Variants in ZNF142 observed in about 807,000 individuals in gnomAD.
ZNF142 encodes zinc finger protein 142.
Under a neutral mutation model 132.1 loss-of-function variants are expected in ZNF142, and 96 were observed. The observed-to-expected ratio is 0.73, with a 90% confidence interval of 0.62 to 0.86. The LOEUF (loss-of-function observed/expected upper bound fraction) is 0.86. Ranked by LOEUF, ZNF142 falls within the 40% of genes least tolerant of loss-of-function variation. ZNF142 has a pLI of 0.00. For synonymous variants in ZNF142, 842 were observed against 890.1 expected (o/e 0.95, Z 0.96); for missense variants, 2,163 against 2,336.2 (o/e 0.93, Z 1.53).
chr2:218,634,380 A>G lies in ZNF142; in HGVS notation c.*3959T>C, dbSNP rs1696587978. On this transcript the variant is annotated 3_prime_UTR_variant, in exon 11 of 11. Coordinates refer to ENST00000411696, the MANE Select transcript of ZNF142 (RefSeq NM_001379659.1). This position sits in a 1 kb window ranked among gnomAD's most constrained non-coding sequence, Gnocchi z 4.0. ...AGCAGGTACCGTGCACCCAGTACCT[A>G]TCTTCTTAACTCCCTGAAAGAGGGG... The G allele has an allele frequency of 1.9e-6, 3 of 1,573,038 alleles. No homozygotes were observed. The highest frequency in any genetic ancestry group is 2.4e-5 in the South Asian group (2 of 84,440).
chr2:218,643,692 G>T lies in ZNF142; in HGVS notation c.3424C>A (p.Pro1142Thr). 6.3e-7 allele frequency: 1 copy of T among 1,578,176 alleles called. No individual in the cohort carries two copies. Among genetic ancestry groups the T allele is most frequent in the Non-Finnish European group, 8.6e-7 (1 of 1,165,476 alleles). Residue 1142 changes from proline (P) to threonine (T), a missense_variant, in exon 9 of 11, where the codon CCT (proline) becomes ACT (threonine). Coordinates refer to ENST00000411696, the MANE Select transcript of ZNF142 (RefSeq NM_001379659.1). ...EAELLLPKDA[P>T]LELPREPEET... ...TCTGGCTCCCTGGGAAGCTCCAAAG[G>T]AGCATCTTTTGGAAGCAGTAGCTCT... is the stretch of plus-strand genomic sequence containing the variant.
At position 218,656,257 on chromosome 2, in the gene ZNF142, C is replaced by T. The variant is rs1486697184; in HGVS notation, c.173G>A (p.Cys58Tyr). The T allele has an allele frequency of 6.2e-7, 1 of 1,613,618 alleles. No individual in the cohort carries two copies. Among genetic ancestry groups the T allele is most frequent in the Non-Finnish European group, 8.5e-7 (1 of 1,179,748 alleles). Residue 58 changes from cysteine to tyrosine, a missense_variant, in exon 4 of 11, where the codon TGC (cysteine) becomes TAC (tyrosine). Around this residue, in one of 7 missense-constraint regions of ZNF142, gnomAD observed 195 missense variants for 172.4 expected, o/e 1.13. Transcript: ENST00000411696. ...DPAPIPTEPGCLLVEATATEE... is the reference protein window; with the variant it reads ...DPAPIPTEPGYLLVEATATEE... ...AGTTGCTGTGGCCTCTACCAGCAGGCAGCCTGGCTCAGTAGGTATAGGTGC... is the reference window on the plus strand; with the variant it reads ...AGTTGCTGTGGCCTCTACCAGCAGGTAGCCTGGCTCAGTAGGTATAGGTGC...
chr2:218,642,328 T>TA lies in ZNF142; in HGVS notation c.4787dup (p.His1598AlafsTer7). 6.2e-7 allele frequency: 1 copy of TA among 1,613,856 alleles called. No individual in the cohort carries two copies. Among genetic ancestry groups the TA allele is most frequent in the East Asian group, 2.2e-5 (1 of 44,868 alleles). ...CCTCATGCTGTTCCAGGTAGTGCTT[T>TA]ACCAGGCCCACCCGCTCCCGGGCAG... On this transcript the variant is annotated frameshift_variant, in exon 9 of 11. Coordinates refer to ENST00000411696, the MANE Select transcript of ZNF142 (RefSeq NM_001379659.1). LOFTEE classifies it high-confidence loss of function. This position sits in a 1 kb window ranked among gnomAD's most constrained non-coding sequence, Gnocchi z 4.6.
At position 218,646,345 on chromosome 2, in the gene ZNF142, T is replaced by C. The variant is rs767805278; in HGVS notation, c.1877A>G (p.Glu626Gly). The change falls in exon 8 of 11, where the codon GAG becomes GGG. Residue 626 changes from glutamate to glycine, a missense_variant. By Grantham distance (98) the Glu-to-Gly change is moderately conservative. This residue lies in a region of ZNF142 where 749 missense variants were observed against 830.3 expected (regional missense o/e 0.90). Coordinates refer to ENST00000411696, the MANE Select transcript of ZNF142 (RefSeq NM_001379659.1). ...LIRHMLLHTGEKPHKCELCDF... is the reference protein window; with the variant it reads ...LIRHMLLHTGGKPHKCELCDF... ...ACACAGCTCACACTTGTGGGGCTTC[T>C]CACCTTATATGGGGGATGCGGATGA... The C allele has an allele frequency of 3.1e-6, 5 of 1,613,974 alleles. No homozygotes were observed. The African/African-American group carries it at 5.3e-5, about 17-fold the overall frequency.
Position 218,642,486 on chromosome 2 carries a change from G to C in ZNF142, c.4630C>G (p.Arg1544Gly). Reference sequence around the variant, plus strand: ...GGGTGCTGTTTACGGGTGTGTCCTCGTAAGCTGGCAGGGCTGGGGCACAGC... The same window carrying C: ...GGGTGCTGTTTACGGGTGTGTCCTCCTAAGCTGGCAGGGCTGGGGCACAGC... ...GLLCPSPASLRGHTRKQHPRL... is the reference protein window; with the variant it reads ...GLLCPSPASLGGHTRKQHPRL... Residue 1544 changes from arginine to glycine, a missense_variant, in exon 9 of 11, where the codon CGA becomes GGA. By Grantham distance (125) the Arg-to-Gly change is moderately radical. Around this residue, in one of 7 missense-constraint regions of ZNF142, gnomAD observed 809 missense variants for 801.7 expected, o/e 1.01. Transcript: ENST00000411696. This position sits in a 1 kb window ranked among gnomAD's most constrained non-coding sequence, Gnocchi z 4.6. 6.2e-7 allele frequency: 1 copy of C among 1,608,036 alleles called. No homozygotes were observed. The highest frequency in any genetic ancestry group is 1.7e-4 in the Middle Eastern group (1 of 6,032).
At chr2:218,647,189 C>T (rs1305918325) in intron 7 of ZNF142, among the ~76,000 whole-genome samples, 5 of 151,696 alleles carry the variant, frequency 3.3e-5, no homozygotes, top group Non-Finnish European at 4.4e-5. Context: ...TTTGGGAGGT[C>T]GAGGCAGGTG....
At chr2:218,641,243 A>ATTT (rs71276228) in intron 9 of ZNF142, among the ~76,000 whole-genome samples, 13 of 103,918 alleles carry the variant, frequency 1.3e-4, no homozygotes, top group African/African-American at 3.7e-4. Context: ...CTGGCCGATA[A>ATTT]TTTTTTTTTT....
rs1208792244 is a variant in ZNF142, at chr2:218,638,819, G to T, written c.5195-11C>A. ...GGTATGGCTTCAGTCCTACAGGACA[G>T]GGAACAAATCACCATTGAAAGGCGG... On this transcript the variant is annotated splice_polypyrimidine_tract_variant and intron_variant, in intron 10 of 10. Transcript: ENST00000411696. 1 of 1,577,016 alleles carries T rather than the reference G, an allele frequency of 6.3e-7. No homozygotes were observed. Among genetic ancestry groups the T allele is most frequent in the Admixed American group, 1.7e-5 (1 of 58,168 alleles).
At position 218,648,802 on chromosome 2, in the gene ZNF142, C is replaced by T. The variant is rs192293893; in HGVS notation, c.1706G>A (p.Ser569Asn). 36 of 1,614,228 alleles carry T rather than the reference C, an allele frequency of 2.2e-5. 1 individual carries two copies. The Admixed American group carries it at 4.5e-4, about 20-fold the overall frequency. Residue 569 changes from serine to asparagine, a missense_variant, in exon 7 of 11, where the codon AGT becomes AAT. By Grantham distance (46) the Ser-to-Asn change is conservative (BLOSUM62 1). Around this residue, in one of 7 missense-constraint regions of ZNF142, gnomAD observed 749 missense variants for 830.3 expected, o/e 0.90. Transcript: ENST00000411696. ...GCAGAAGGTGCAGCGCAGCTCTTCA[C>T]TGCCAGGGTGGCCCTGCTTCTTGTG... Reference protein sequence around the residue: ...RKHKKQGHPGSEELRCTFCPF... With the variant: ...RKHKKQGHPGNEELRCTFCPF...
Position 218,634,107 on chromosome 2 carries a change from A to G in ZNF142, c.*4232T>C. The G allele has an allele frequency of 6.2e-7, 1 of 1,608,690 alleles. No individual in the cohort carries two copies. Among genetic ancestry groups the G allele is most frequent in the East Asian group, 2.2e-5 (1 of 44,762 alleles). On this transcript the variant is annotated 3_prime_UTR_variant, in exon 11 of 11. Coordinates refer to ENST00000411696, the MANE Select transcript of ZNF142 (RefSeq NM_001379659.1). This position sits in a 1 kb window ranked among gnomAD's most constrained non-coding sequence, Gnocchi z 4.0. The stretch of plus-strand genomic sequence containing the variant: ...TCCCTCTCTATACCCTTTTACAGGC[A>G]ATGAGTTTGTGCAGCACAATACTTG...
Position 218,649,011 on chromosome 2 carries a change from G to A in ZNF142, c.1497C>T (p.Asp499=). 1.9e-6 allele frequency: 3 copies of A among 1,612,414 alleles called. No individual in the cohort carries two copies. Among genetic ancestry groups the A allele is most frequent in the Non-Finnish European group, 1.7e-6 (2 of 1,180,044 alleles). The change falls in exon 7 of 11, where the codon GAC becomes GAT. Residue 499 remains aspartate (D), a synonymous_variant. Coordinates refer to ENST00000411696, the MANE Select transcript of ZNF142 (RefSeq NM_001379659.1). Reference sequence around the variant, plus strand: ...TCAGGTGCTTAATGAAGGCCTTGCGGTCGGGTGCTGCATAGCTGCAGCCCT... The same window carrying A: ...TCAGGTGCTTAATGAAGGCCTTGCGATCGGGTGCTGCATAGCTGCAGCCCT... The part of the protein sequence containing the change: ...FQEGCSYAAP[D]RKAFIKHLKE...
At chr2:218,641,937 T>C in intron 9 of ZNF142, 91 bp downstream of exon 9, 1 of 1,465,866 alleles carries the variant, frequency 6.8e-7, no homozygotes, top group Non-Finnish European at 9.1e-7. Context: ...ACAGAGCTAA[T>C]ATCTGGAGGA....
chr2:218,656,817 CTTTTTTTT>C (rs34530017), intron 3 of ZNF142, among the ~76,000 whole-genome samples: 1 of 119,450 alleles, frequency 8.4e-6, no homozygotes, highest in Non-Finnish European at 1.7e-5. Flanking sequence ...CTCAGAAGTC[CTTTTTTTT>C]TTTTTTTTTT....
At chr2:218,654,747 C>T (rs1179377194) in intron 4 of ZNF142, among the ~76,000 whole-genome samples, 1 of 151,138 alleles carries the variant, frequency 6.6e-6, no homozygotes, top group African/African-American at 2.4e-5. Flanking sequence ...TTTATTTCTT[C>T]TTTAGAGCAT....
chr2:218,642,767 A>C lies in ZNF142; in HGVS notation c.4349T>G (p.Val1450Gly). ...NSKLRLHRLR[V>G]HDKTPTHFCP... Reference sequence around the variant, plus strand: ...GAAGTGGGTAGGTGTTTTGTCATGTACCCTTAACCGGTGCAAGCGCAGTTT... The same window carrying C: ...GAAGTGGGTAGGTGTTTTGTCATGTCCCCTTAACCGGTGCAAGCGCAGTTT... The change falls in exon 9 of 11, where the codon GTA (valine) becomes GGA (glycine). Residue 1450 changes from valine (V) to glycine (G), a missense_variant. Transcript: ENST00000411696. The surrounding 1 kb of genome is among the most constrained non-coding windows in gnomAD (Gnocchi z 4.6). The C allele has an allele frequency of 6.2e-7, 1 of 1,614,130 alleles. No homozygotes were observed. The highest frequency in any genetic ancestry group is 2.2e-5 in the East Asian group (1 of 44,886).
chr2:218,644,959 G>T lies in ZNF142; in HGVS notation c.2157C>A (p.Phe719Leu). 1 of 1,614,170 alleles carries T rather than the reference G, an allele frequency of 6.2e-7. No individual in the cohort carries two copies. The highest frequency in any genetic ancestry group is 8.5e-7 in the Non-Finnish European group (1 of 1,180,030). Residue 719 changes from phenylalanine (F) to leucine (L), a missense_variant, in exon 9 of 11, where the codon TTC becomes TTA. Physicochemically the swap from Phe to Leu is conservative, Grantham distance 22 (BLOSUM62 0). Transcript: ENST00000411696. The surrounding 1 kb of genome is among the most constrained non-coding windows in gnomAD (Gnocchi z 4.6). Reference protein sequence around the residue: ...GKSLMCEVCAFACKRKYELQK... With the variant: ...GKSLMCEVCALACKRKYELQK... ...GCAGCTCATACTTCCGCTTGCAGGC[G>T]AAGGCACACACCTCACACATCAGAG... is the stretch of plus-strand genomic sequence containing the variant.
rs549283765 is a variant in ZNF142, at chr2:218,633,529, AGGTT to A, written c.*4806_*4809del. Reference sequence around the variant, plus strand: ...GTGGGGAGGCAGTGGGCAGAGGTTTAGGTTGGATGGCCATTATCTTCTTCTCTCT... The same window carrying A: ...GTGGGGAGGCAGTGGGCAGAGGTTTAGGATGGCCATTATCTTCTTCTCTCT... On this transcript the variant is annotated 3_prime_UTR_variant, in exon 11 of 11. Coordinates refer to ENST00000411696, the MANE Select transcript of ZNF142 (RefSeq NM_001379659.1). 1 of 1,513,128 alleles carries A rather than the reference AGGTT, an allele frequency of 6.6e-7. No individual in the cohort carries two copies. Among genetic ancestry groups the A allele is most frequent in the Non-Finnish European group, 9.2e-7 (1 of 1,090,026 alleles). The allele number at this position is 1,513,128 out of a possible 1,614,324, so 93.7% of individuals were successfully genotyped here. A position where few individuals can be genotyped will look rare whatever the true frequency, so the allele number is the denominator to read the frequency against.
Position 218,643,996 on chromosome 2 carries a change from G to T in ZNF142, c.3120C>A (p.His1040Gln). ...QGEGRAFRCP[H>Q]CPFITRREKA... Reference sequence around the variant, plus strand: ...TCTCCCGGCGAGTGATAAAAGGGCAGTGTGGGCAGCGGAAGGCTCGCCCCT... The same window carrying T: ...TCTCCCGGCGAGTGATAAAAGGGCATTGTGGGCAGCGGAAGGCTCGCCCCT... The change falls in exon 9 of 11, where the codon CAC becomes CAA. Residue 1040 changes from histidine to glutamine, a missense_variant. By Grantham distance (24) the His-to-Gln change is conservative (BLOSUM62 0). This residue lies in a region of ZNF142 where 809 missense variants were observed against 801.7 expected (regional missense o/e 1.01). Coordinates refer to ENST00000411696, the MANE Select transcript of ZNF142 (RefSeq NM_001379659.1). 6.2e-7 allele frequency: 1 copy of T among 1,614,182 alleles called. No homozygotes were observed.
At position 218,635,617 on chromosome 2, in the gene ZNF142, G is replaced by C. The variant is rs1696684138; in HGVS notation, c.*2722C>G. Among the ~76,000 whole-genome samples the C allele has an allele frequency of 1.3e-5, 2 of 152,202 alleles. No individual in the cohort carries two copies. Among genetic ancestry groups the C allele is most frequent in the Admixed American group, 1.3e-4 (2 of 15,278 alleles). On this transcript the variant is annotated 3_prime_UTR_variant, in exon 11 of 11. Coordinates refer to ENST00000411696, the MANE Select transcript of ZNF142 (RefSeq NM_001379659.1). ...TGAAGTGTTGGGATTACAGGTGTGA[G>C]CCACCGTGCCCGGCCTTTGGGTGCA...
Sources: allele counts gnomAD v4.1 joint callset (sites outside exome capture counted in the v4.1 genomes callset), GRCh38; gene constraint gnomAD v4.1.1; regional missense constraint gnomAD v4.1.1; non-coding constraint Gnocchi (gnomAD v3.1); transcripts MANE v1.5; gene names NCBI Gene and HGNC (gene_info 2026-07-23, HGNC 2026-07-21).